Variants in SMAP1 observed in about 807,000 individuals in gnomAD.
The protein encoded by SMAP1 is stromal membrane-associated protein 1.
SMAP1 carries 24 observed loss-of-function variants against 58.5 expected under a neutral mutation model. The ratio of observed to expected loss-of-function variants is 0.41; its 90% confidence interval spans 0.30 to 0.58. SMAP1 has a LOEUF of 0.58. Ranked by LOEUF, SMAP1 falls within the 20% of genes least tolerant of loss-of-function variation. The pLI, the probability that SMAP1 is intolerant of heterozygous loss-of-function variation, is 0.29. For missense variants in SMAP1, 563 were observed against 566.3 expected (o/e 0.99, Z 0.06); for synonymous variants, 216 against 196.6 (o/e 1.10, Z -0.82).
intron 4 of SMAP1, among the ~76,000 whole-genome samples, chr6:70,785,076 A>G (rs1767947494): frequency 6.6e-6 from 1 of 152,222 alleles, no homozygotes; most frequent in Non-Finnish European, 1.5e-5. Flanking sequence ...CAGCAAATGT[A>G]AAAGAACAGA....
chr6:70,724,150 TG>T (rs373580853), intron 1 of SMAP1, among the ~76,000 whole-genome samples: 3,571 of 150,138 alleles, frequency 0.024, 69 homozygotes, highest in African/African-American at 0.048. Flanking sequence ...GTTTTTTTTT[TG>T]TTGTTGTTGT....
chr6:70,848,097 C>CT (rs1402090187), intron 7 of SMAP1, among the ~76,000 whole-genome samples: 3 of 152,106 alleles, frequency 2.0e-5, no homozygotes, highest in African/African-American at 7.2e-5. Flanking sequence ...GGCCTCTGAG[C>CT]TTTTATTAAT....
chr6:70,811,633 A>G (rs1769392834), intron 6 of SMAP1, among the ~76,000 whole-genome samples: 2 of 152,120 alleles, frequency 1.3e-5, no homozygotes, highest in South Asian at 2.1e-4. Flanking sequence ...ATTTAAAATG[A>G]CATGATTTGC....
At chr6:70,788,979 G>T (rs909908833) in intron 4 of SMAP1, among the ~76,000 whole-genome samples, 1 of 152,118 alleles carries the variant, frequency 6.6e-6, no homozygotes, top group Non-Finnish European at 1.5e-5. Flanking sequence ...TCCTACTAGA[G>T]ATTTAGAAAG....
chr6:70,827,714 A>C lies in SMAP1; in HGVS notation c.577-9227A>C, dbSNP rs185316230. On this transcript the variant is annotated intron_variant, in intron 6 of 10. Transcript: ENST00000370455. Reference sequence around the variant, plus strand: ...TCACATAATTCACTAAATGTCTTCAAGGCTGCTCCGACTTCTGCAATTTGT... The same window carrying C: ...TCACATAATTCACTAAATGTCTTCACGGCTGCTCCGACTTCTGCAATTTGT... Among the ~76,000 whole-genome samples, 303 of 152,358 alleles carry C rather than the reference A, an allele frequency of 2.0e-3. 1 individual carries two copies. Among genetic ancestry groups the C allele is most frequent in the Non-Finnish European group, 3.1e-3 (208 of 68,014 alleles).
In SMAP1 at chr6:70,861,719, C is replaced by T. The variant is rs752630184; in HGVS notation, c.*1385C>T. 2 of 1,614,126 alleles carry T rather than the reference C, an allele frequency of 1.2e-6. No individual in the cohort carries two copies. The highest frequency in any genetic ancestry group is 4.5e-5 in the East Asian group (2 of 44,880). On this transcript the variant is annotated 3_prime_UTR_variant, in exon 11 of 11. Transcript: ENST00000370455. Reference sequence around the variant, plus strand: ...TACTTTGGCTCGTTGGCTAGATTAACCTTCTCTGTCCGAGTGTGCCACACG... The same window carrying T: ...TACTTTGGCTCGTTGGCTAGATTAATCTTCTCTGTCCGAGTGTGCCACACG...
In SMAP1 at chr6:70,806,922, C is replaced by T. The variant is rs567902758; in HGVS notation, c.576+8185C>T. Among the ~76,000 whole-genome samples, 11 of 152,236 alleles carry T rather than the reference C, an allele frequency of 7.2e-5. No individual in the cohort carries two copies. In the South Asian group the frequency reaches 2.3e-3, roughly 32 times the overall value. On this transcript the variant is annotated intron_variant, in intron 6 of 10. Coordinates refer to ENST00000370455, the MANE Select transcript of SMAP1 (RefSeq NM_001044305.3). ...GTTGCTGGCAGCTCAGGAATTTGAA[C>T]CCAAGTCTTCTGGTTTCAAGCCCTG...
intron 3 of SMAP1, among the ~76,000 whole-genome samples, chr6:70,765,644 AC>A (rs1470557161): frequency 3.3e-5 from 5 of 152,172 alleles, no homozygotes; most frequent in Middle Eastern, 3.2e-3. Context: ...GGACTTTCTT[AC>A]CACATCATTT....
intron 5 of SMAP1, among the ~76,000 whole-genome samples, chr6:70,798,386 T>G (rs528339864): frequency 9.8e-4 from 149 of 152,032 alleles, no homozygotes; most frequent in Non-Finnish European, 1.4e-3. Flanking sequence ...AAAACAAGCA[T>G]GAAACAAACC....
chr6:70,682,448 C>G (rs1360612193), intron 1 of SMAP1, among the ~76,000 whole-genome samples: 8 of 152,058 alleles, frequency 5.3e-5, no homozygotes, highest in Admixed American at 5.2e-4. Context: ...CTTGGCCTCC[C>G]CAAATGCTGG....
chr6:70,800,365 A>G (rs1009136822), intron 6 of SMAP1, among the ~76,000 whole-genome samples: 7 of 151,800 alleles, frequency 4.6e-5, no homozygotes, highest in East Asian at 1.9e-4. Context: ...TCTTTTGCCT[A>G]TTTTTCTGTT....
chr6:70,852,441 G>A, intron 7 of SMAP1, 99 bp from the exon 8 acceptor site: 3 of 1,214,440 alleles, frequency 2.5e-6, no homozygotes, highest in Non-Finnish European at 3.2e-6. Flanking sequence ...CTTTTGAACT[G>A]TTCTTTTTTT....
intron 4 of SMAP1, among the ~76,000 whole-genome samples, chr6:70,779,845 C>T (rs1420760503): frequency 1.3e-5 from 2 of 152,130 alleles, no homozygotes; most frequent in Non-Finnish European, 2.9e-5. Flanking sequence ...GATGCTAGTG[C>T]TGGGGAGTGG....
intron 1 of SMAP1, among the ~76,000 whole-genome samples, chr6:70,693,298 CTTTTTTTTTTT>C (rs55693339): frequency 6.4e-5 from 7 of 109,642 alleles, no homozygotes; most frequent in Middle Eastern, 5.1e-3. Flanking sequence ...ATGTCATCTT[CTTTTTTTTTTT>C]TTTTTTTTTT....
chr6:70,679,872 C>G (rs1766630547), intron 1 of SMAP1, among the ~76,000 whole-genome samples: 2 of 152,096 alleles, frequency 1.3e-5, no homozygotes, highest in Non-Finnish European at 2.9e-5. Flanking sequence ...TTTGTTGCAA[C>G]TGACAAGCTG....
chr6:70,769,632 G>C (rs1179720768), intron 3 of SMAP1, among the ~76,000 whole-genome samples: 1 of 151,820 alleles, frequency 6.6e-6, no homozygotes, highest in African/African-American at 2.4e-5. Flanking sequence ...CCTTTATATT[G>C]AGCCTATGTG....
intron 4 of SMAP1, among the ~76,000 whole-genome samples, chr6:70,785,934 C>T (rs1768003623): frequency 6.6e-6 from 1 of 152,242 alleles, no homozygotes; most frequent in South Asian, 2.1e-4. Context: ...AAGAGGGAAT[C>T]CTCCCTAACT....
At chr6:70,694,504 C>T (rs528728624) in intron 1 of SMAP1, 3 of 153,038 alleles carry the variant, frequency 2.0e-5, no homozygotes, top group East Asian at 3.9e-4. Flanking sequence ...TATTTGAAAC[C>T]TAGAAGAAGT....
chr6:70,830,636 T>G (rs762851618), intron 6 of SMAP1, among the ~76,000 whole-genome samples: 7 of 152,236 alleles, frequency 4.6e-5, no homozygotes, highest in Non-Finnish European at 5.9e-5. Flanking sequence ...TGACTTCTTA[T>G]GTTATAGGCA....
Sources: allele counts gnomAD v4.1 joint callset (sites outside exome capture counted in the v4.1 genomes callset), GRCh38; gene constraint gnomAD v4.1.1; transcripts MANE v1.5; gene names NCBI Gene and HGNC (gene_info 2026-07-23, HGNC 2026-07-21).